The following AKT3 variants were observed in gnomAD, a reference collection of about 807,000 sequenced individuals.
AKT3 encodes the protein RAC-gamma serine/threonine-protein kinase.
AKT3 carries 15 observed loss-of-function variants against 65.3 expected under a neutral mutation model. That is an observed-to-expected ratio of 0.23 (90% CI 0.15 to 0.35). The LOEUF is 0.35. Ranked by LOEUF, AKT3 falls within the 10% of genes least tolerant of loss-of-function variation. The pLI, the probability that AKT3 is intolerant of heterozygous loss-of-function variation, is 1.00. For missense variants in AKT3, 243 were observed against 576.5 expected, an observed-to-expected ratio of 0.42 and a Z score of 5.92; for synonymous variants, 206 against 183.8, an observed-to-expected ratio of 1.12 and a Z score of -0.98.
chr1:243,540,611 A>T (rs1347693023), intron 12 of AKT3, among the ~76,000 whole-genome samples: 1 of 152,152 alleles, frequency 6.6e-6, no homozygotes, highest in Non-Finnish European at 1.5e-5. Flanking sequence ...ATATCAAAAC[A>T]AAGAAATTAA....
intron 12 of AKT3, among the ~76,000 whole-genome samples, chr1:243,538,418 T>A (rs1417140861): frequency 4.0e-5 from 6 of 150,768 alleles, no homozygotes; most frequent in African/African-American, 1.5e-4. Flanking sequence ...ACAGCAAGAT[T>A]GTATATTTAA....
intron 2 of AKT3, among the ~76,000 whole-genome samples, chr1:243,748,353 TAA>T (rs34770085): frequency 2.7e-5 from 4 of 150,042 alleles, no homozygotes; most frequent in South Asian, 2.1e-4. Context: ...GAATGGGACT[TAA>T]AAAAAAAAAC....
chr1:243,756,669 C>A (rs1302821946), intron 2 of AKT3, among the ~76,000 whole-genome samples: 1 of 152,180 alleles, frequency 6.6e-6, no homozygotes, highest in Non-Finnish European at 1.5e-5. Flanking sequence ...ACTTGACATT[C>A]ATCTTAGTCA....
intron 9 of AKT3, among the ~76,000 whole-genome samples, chr1:243,568,937 C>T (rs1202926130): frequency 6.6e-6 from 1 of 152,170 alleles, no homozygotes; most frequent in African/African-American, 2.4e-5. Context: ...TATATGGTAT[C>T]ATTTTAATTA....
At chr1:243,784,877 C>A (rs1691148128) in intron 2 of AKT3, among the ~76,000 whole-genome samples, 1 of 152,184 alleles carries the variant, frequency 6.6e-6, no homozygotes, top group Non-Finnish European at 1.5e-5. Flanking sequence ...CCTCCTACCT[C>A]AGCCTCCCGA....
At chr1:243,573,133 AC>A in intron 8 of AKT3, 85 bp from the exon 9 acceptor site, 1 of 1,473,926 alleles carries the variant, frequency 6.8e-7, no homozygotes. Context: ...ACCTCTCATC[AC>A]CATATTGTGA....
chr1:243,587,934 C>T (rs767817219), intron 8 of AKT3, among the ~76,000 whole-genome samples: 4 of 151,972 alleles, frequency 2.6e-5, no homozygotes, highest in Non-Finnish European at 5.9e-5. Context: ...GAAAACTGAG[C>T]AAATATATAA....
chr1:243,733,577 T>C lies in AKT3; in HGVS notation c.47-37861A>G, dbSNP rs868248818. On this transcript the variant is annotated intron_variant, in intron 2 of 13. Transcript: ENST00000673466. ...GTATAAGCTAACAATCATAAACATATGTAGTGACCAAATCAAAATCTATAT... is the reference window on the plus strand; with the variant it reads ...GTATAAGCTAACAATCATAAACATACGTAGTGACCAAATCAAAATCTATAT... Among the ~76,000 whole-genome samples, 29 of 152,298 alleles carry C rather than the reference T, an allele frequency of 1.9e-4. 1 individual carries two copies. The highest frequency in any genetic ancestry group is 6.7e-4 in the African/African-American group (28 of 41,574).
intron 2 of AKT3, among the ~76,000 whole-genome samples, chr1:243,751,398 A>G (rs565390303): frequency 6.6e-6 from 1 of 152,282 alleles, no homozygotes; most frequent in Non-Finnish European, 1.5e-5. Flanking sequence ...GAAAGCTTTA[A>G]TAAGTAATCC....
downstream of AKT3, among the ~76,000 whole-genome samples, chr1:243,499,110 A>C (rs1668833878): frequency 2.0e-5 from 3 of 152,356 alleles, no homozygotes; most frequent in South Asian, 4.1e-4. Context: ...GGCCAGGAAC[A>C]GTATTCAATA....
chr1:243,795,529 T>G (rs371490143), intron 2 of AKT3, among the ~76,000 whole-genome samples: 4 of 132,810 alleles, frequency 3.0e-5, no homozygotes, highest in Admixed American at 9.0e-5. Flanking sequence ...TGGAGTGCAG[T>G]GGCGGGATCT....
intron 10 of AKT3, among the ~76,000 whole-genome samples, chr1:243,555,719 T>C (rs1673362739): frequency 6.6e-6 from 1 of 152,166 alleles, no homozygotes; most frequent in South Asian, 2.1e-4. Flanking sequence ...ACAACAATGG[T>C]AGAGCATATT....
intron 5 of AKT3, among the ~76,000 whole-genome samples, chr1:243,638,978 G>A (rs926422560): frequency 2.9e-4 from 44 of 152,060 alleles, no homozygotes; most frequent in Admixed American, 6.6e-4. Flanking sequence ...AAATTGATAA[G>A]CCTCTGGCCA....
intron 2 of AKT3, among the ~76,000 whole-genome samples, chr1:243,773,552 T>C (rs1012664712): frequency 4.6e-5 from 7 of 152,224 alleles, no homozygotes; most frequent in Admixed American, 6.5e-5. Context: ...AGTTCCAGGC[T>C]GCAGTGAGCC....
chr1:243,843,522 T>G (rs1004762534), intron 1 of AKT3: 56 of 1,080,530 alleles, frequency 5.2e-5, no homozygotes, highest in Middle Eastern at 4.0e-4. Flanking sequence ...AAAAAAGTCT[T>G]AAGAAAACCA....
upstream of AKT3, among the ~76,000 whole-genome samples, chr1:243,850,561 T>C (rs1325516848): frequency 3.5e-5 from 5 of 144,918 alleles, no homozygotes; most frequent in Admixed American, 3.4e-4. Context: ...CGCCCCCTCC[T>C]TCCTCCCGCT....
chr1:243,650,151 C>A (rs946829897), intron 4 of AKT3, among the ~76,000 whole-genome samples: 1 of 152,210 alleles, frequency 6.6e-6, no homozygotes, highest in East Asian at 1.9e-4. Context: ...ATTTGCATTT[C>A]TCTAATGACC....
intron 2 of AKT3, among the ~76,000 whole-genome samples, chr1:243,705,667 G>A (rs897826731): frequency 2.0e-5 from 3 of 152,100 alleles, no homozygotes; most frequent in Non-Finnish European, 4.4e-5. Context: ...GCATCCACAC[G>A]GACTAGCCAA....
At chr1:243,494,384 A>AT (rs1230465209) in intron 13 of AKT3, among the ~76,000 whole-genome samples, 1 of 152,192 alleles carries the variant, frequency 6.6e-6, no homozygotes, top group East Asian at 1.9e-4. Context: ...TGACTTGCAT[A>AT]TTTTTTTAAA....
Sources: allele counts gnomAD v4.1 joint callset (sites outside exome capture counted in the v4.1 genomes callset), GRCh38; gene constraint gnomAD v4.1.1; transcripts MANE v1.5; gene names NCBI Gene and HGNC (gene_info 2026-07-23, HGNC 2026-07-21).